TECTA: variants seen among roughly 807,000 people sequenced by gnomAD.
TECTA encodes alpha-tectorin.
In TECTA, 128 loss-of-function variants were observed where a neutral mutation model predicts 216.8. The observed-to-expected ratio is 0.59, with a 90% CI of 0.51 to 0.68. The LOEUF is 0.68. TECTA is among the 30% of genes least tolerant of loss of function. TECTA has a pLI of 0.00. For missense variants in TECTA, 2,551 were observed against 2,786.2 expected (o/e 0.92, Z 1.90); for synonymous variants, 1,089 against 1,117.1 (o/e 0.97, Z 0.50).
In TECTA at chr11:121,165,446, C is replaced by T. The variant is rs112469212; in HGVS notation, c.5383+63C>T. Reference sequence around the variant, plus strand: ...CCATGGGAGATGCTGCTCTGGGGAACGACCTTGATGCATCCCACTTTGTGA... The same window carrying T: ...CCATGGGAGATGCTGCTCTGGGGAATGACCTTGATGCATCCCACTTTGTGA... On this transcript the variant is annotated intron_variant, in intron 17 of 23. Coordinates refer to ENST00000392793, the MANE Select transcript of TECTA (RefSeq NM_005422.4). 321 of 1,350,038 alleles carry T rather than the reference C, an allele frequency of 2.4e-4. 6 individuals are homozygous for T. The East Asian group carries it at 3.0e-3, about 13-fold the overall frequency. The allele number at this position is 1,350,038 out of a possible 1,614,324, so 83.6% of individuals were successfully genotyped here.
intron 13 of TECTA, 125 bp from the exon 14 acceptor site, chr11:121,157,716 C>T (rs1175724095): frequency 2.8e-6 from 4 of 1,404,936 alleles, no homozygotes; most frequent in Non-Finnish European, 3.0e-6. Flanking sequence ...CTGCTGCCTC[C>T]TACAAATTCC....
chr11:121,102,474 G>T (rs1024167356), intron 1 of TECTA, among the ~76,000 whole-genome samples, 191 bp from the exon 2 acceptor site: 1 of 152,152 alleles, frequency 6.6e-6, no homozygotes, highest in African/African-American at 2.4e-5. Flanking sequence ...ATTTGTTCAT[G>T]AAGTGTTGAA....
intron 10 of TECTA, among the ~76,000 whole-genome samples, chr11:121,136,498 T>G (rs1294139354): frequency 6.6e-6 from 1 of 152,088 alleles, no homozygotes. Context: ...ACAAGCCAAT[T>G]TGCAGAGTAA....
chr11:121,123,788 A>C (rs1946581656), intron 7 of TECTA, among the ~76,000 whole-genome samples: 1 of 152,196 alleles, frequency 6.6e-6, no homozygotes, highest in African/African-American at 2.4e-5. Flanking sequence ...AGTCAAAGCC[A>C]AAGTCTTTAC....
At chr11:121,155,627 G>A (rs1298515368) in intron 13 of TECTA, among the ~76,000 whole-genome samples, 1 of 152,208 alleles carries the variant, frequency 6.6e-6, no homozygotes, top group African/African-American at 2.4e-5. Context: ...GGGTTTTGAT[G>A]TCTCTAGTTA....
rs201860044 is a variant in TECTA at position 121,146,108 on chromosome 11, C to T, written c.4097C>T (p.Thr1366Met). Reference protein sequence around the residue: ...GITVTGWRNYTSCTVTCPPNS... With the variant: ...GITVTGWRNYMSCTVTCPPNS... ...ACGGTGACTGGCTGGAGGAATTACA[C>T]GTCCTGCAGTGAGTCCTTCTCGTTG... The change falls in exon 12 of 24, where the codon ACG becomes ATG. Residue 1366 changes from threonine to methionine, a missense_variant. Physicochemically the swap from Thr to Met is moderately conservative, Grantham distance 81. Coordinates refer to ENST00000392793, the MANE Select transcript of TECTA (RefSeq NM_005422.4). 6.3e-5 allele frequency: 101 copies of T among 1,608,524 alleles called. No individual in the cohort carries two copies. The highest frequency in any genetic ancestry group is 4.5e-4 in the Admixed American group (27 of 60,032).
At chr11:121,103,530 C>T (rs939493487) in intron 2 of TECTA, among the ~76,000 whole-genome samples, 1 of 151,944 alleles carries the variant, frequency 6.6e-6, no homozygotes. Flanking sequence ...AAAGAGGGCC[C>T]TTGACTTCAA....
chr11:121,170,673 A>G (rs1289740884), intron 20 of TECTA, among the ~76,000 whole-genome samples: 1 of 152,046 alleles, frequency 6.6e-6, no homozygotes, highest in Non-Finnish European at 1.5e-5. Context: ...TTCCCTGATG[A>G]TTAGTAATGT....
intron 15 of TECTA, among the ~76,000 whole-genome samples, chr11:121,161,558 T>TCCCCTCCCCTCCCCTCCCC (rs1565534097): frequency 1.5e-4 from 1 of 6,848 alleles, no homozygotes; most frequent in Non-Finnish European, 3.4e-4. Context: ...TTCCCTTCCC[T>TCCCCTCCCCTCCCCTCCCC]TCCCTTCCCT....
rs1216364922 is a variant in TECTA at position 121,127,411 on chromosome 11, C to T, written c.1775-341C>T. ...AAATCAGATCAATTTATATGTCCATCAGTGGAAGGTCTTAAAATATCTCGG... is the reference window on the plus strand; with the variant it reads ...AAATCAGATCAATTTATATGTCCATTAGTGGAAGGTCTTAAAATATCTCGG... On this transcript the variant is annotated intron_variant, in intron 8 of 23. Coordinates refer to ENST00000392793, the MANE Select transcript of TECTA (RefSeq NM_005422.4). The surrounding 1 kb of genome is among the most constrained non-coding windows in gnomAD (Gnocchi z 5.0). 1.3e-5 allele frequency among the ~76,000 whole-genome samples: 2 copies of T among 152,032 alleles called. No homozygotes were observed. Among genetic ancestry groups the T allele is most frequent in the African/African-American group, 4.8e-5 (2 of 41,392 alleles).
intron 20 of TECTA, among the ~76,000 whole-genome samples, chr11:121,184,042 G>A (rs555667275): frequency 5.8e-4 from 88 of 152,228 alleles, no homozygotes; most frequent in African/African-American, 1.7e-3. Flanking sequence ...TCCCATCTTC[G>A]CCTCCCAAAG....
chr11:121,109,314 C>T lies in TECTA; in HGVS notation c.302C>T (p.Ala101Val). 6.2e-7 allele frequency: 1 copy of T among 1,614,118 alleles called. No homozygotes were observed. The highest frequency in any genetic ancestry group is 8.5e-7 in the Non-Finnish European group (1 of 1,180,024). The change falls in exon 4 of 24, where the codon GCA becomes GTA. Residue 101 changes from alanine to valine, a missense_variant. Physicochemically the swap from Ala to Val is moderately conservative, Grantham distance 64 (BLOSUM62 0). This residue lies in a region of TECTA where 2,375 missense variants were observed against 2,563.9 expected (regional missense o/e 0.93). Coordinates refer to ENST00000392793, the MANE Select transcript of TECTA (RefSeq NM_005422.4). ...AGAGCCTTCGTCGCCCCATTTTGGGCAGATGTGCACAATGGAATTCGAGGC... is the reference window on the plus strand; with the variant it reads ...AGAGCCTTCGTCGCCCCATTTTGGGTAGATGTGCACAATGGAATTCGAGGC... ...DGRAFVAPFWADVHNGIRGEI... is the reference protein window; with the variant it reads ...DGRAFVAPFWVDVHNGIRGEI...
At chr11:121,180,231 T>C (rs1035728124) in intron 20 of TECTA, among the ~76,000 whole-genome samples, 1 of 152,198 alleles carries the variant, frequency 6.6e-6, no homozygotes, top group Non-Finnish European at 1.5e-5. Flanking sequence ...GTTTACACTT[T>C]TGTGTGTTTT....
intron 21 of TECTA, among the ~76,000 whole-genome samples, 182 bp downstream of exon 21, chr11:121,188,176 T>C (rs1299179253): frequency 6.6e-6 from 1 of 152,208 alleles, no homozygotes; most frequent in African/African-American, 2.4e-5. Context: ...TACTCTTCTA[T>C]CTCTGAATTG....
intron 6 of TECTA, among the ~76,000 whole-genome samples, chr11:121,114,895 A>C (rs990916017): frequency 1.7e-5 from 1 of 58,882 alleles, no homozygotes; most frequent in Admixed American, 2.1e-4. Context: ...TCATCCACCT[A>C]CCCATCCATC....
chr11:121,143,971 A>G (rs1268091210), intron 11 of TECTA, among the ~76,000 whole-genome samples: 2 of 152,190 alleles, frequency 1.3e-5, no homozygotes, highest in African/African-American at 4.8e-5. Flanking sequence ...CTTCTGGGCA[A>G]AGTGGTTCCC....
rs143255705 is a variant in TECTA, at chr11:121,131,750, C to T, written c.2941+1539C>T. Among the ~76,000 whole-genome samples the T allele has an allele frequency of 1.2e-4, 19 of 152,288 alleles. 1 individual carries two copies. The East Asian group carries it at 3.5e-3, about 28-fold the overall frequency. On this transcript the variant is annotated intron_variant, in intron 10 of 23. Coordinates refer to ENST00000392793, the MANE Select transcript of TECTA (RefSeq NM_005422.4). ...CAGTCTTTGACTTTCATTGTCTTAG[C>T]GTTCTTGAAGAGTACAGGCCAGTTA...
At chr11:121,182,809 T>G (rs1044127849) in intron 20 of TECTA, among the ~76,000 whole-genome samples, 1 of 151,790 alleles carries the variant, frequency 6.6e-6, no homozygotes, top group African/African-American at 2.4e-5. Context: ...TGGTGACTGG[T>G]GGGTGAGTCA....
At chr11:121,152,702 G>T (rs576081833) in intron 12 of TECTA, among the ~76,000 whole-genome samples, 179 bp from the exon 13 acceptor site, 1 of 152,162 alleles carries the variant, frequency 6.6e-6, no homozygotes, top group South Asian at 2.1e-4. Context: ...AAGCAGGAAC[G>T]AATCAGACCC....
Sources: gnomAD v4.1 joint callset for allele counts (sites outside exome capture counted in the v4.1 genomes callset) on GRCh38, gnomAD v4.1.1 for gene constraint, gnomAD v4.1.1 regional missense constraint, Gnocchi (gnomAD v3.1) non-coding constraint, MANE v1.5 for transcripts, NCBI Gene and HGNC (gene_info 2026-07-23, HGNC 2026-07-21) for gene names.